CRPPA: variants seen among roughly 807,000 people sequenced by gnomAD.
CRPPA encodes CDP-L-ribitol pyrophosphorylase A, also known as D-ribitol-5-phosphate cytidylyltransferase.
A neutral mutation model predicts 52.0 loss-of-function variants in CRPPA; 43 were observed. The ratio of observed to expected loss-of-function variants is 0.83; its 90% CI spans 0.65 to 1.07. The LOEUF (loss-of-function observed/expected upper bound fraction) is 1.07, where lower values mean the gene tolerates loss of function less well. Ranked by LOEUF, CRPPA falls within the 50% of genes least tolerant of loss-of-function variation. CRPPA has a pLI of 0.00. For synonymous variants in CRPPA, 250 were observed against 203.5 expected, an observed-to-expected ratio of 1.23 and a Z score of -1.94; for missense variants, 629 against 551.7, an observed-to-expected ratio of 1.14 and a Z score of -1.40.
chr7:16,130,852 C>T (rs1345523959), intron 9 of CRPPA, among the ~76,000 whole-genome samples: 1 of 152,080 alleles, frequency 6.6e-6, no homozygotes, highest in Admixed American at 6.5e-5. Flanking sequence ...GAGGTAAGGC[C>T]TTTGGGGGGT....
chr7:16,313,387 A>G (rs553777996), intron 3 of CRPPA, among the ~76,000 whole-genome samples: 1 of 151,910 alleles, frequency 6.6e-6, no homozygotes, highest in African/African-American at 2.4e-5. Context: ...TATCCTTTTA[A>G]TGTTCATGGG....
At chr7:16,238,481 G>T (rs191270021) in intron 8 of CRPPA, among the ~76,000 whole-genome samples, 108 of 152,150 alleles carry the variant, frequency 7.1e-4, no homozygotes, top group Admixed American at 2.2e-3. Context: ...GACATGAAAG[G>T]ATAGATTCAC....
At chr7:16,113,228 T>C (rs1047894705) in intron 9 of CRPPA, among the ~76,000 whole-genome samples, 1 of 151,976 alleles carries the variant, frequency 6.6e-6, no homozygotes, top group African/African-American at 2.4e-5. Flanking sequence ...TAGATTCAGT[T>C]GCAGAGAGAA....
intron 6 of CRPPA, chr7:16,268,790 C>G (rs1367691520): frequency 6.6e-6 from 1 of 152,032 alleles, no homozygotes; most frequent in Non-Finnish European, 1.5e-5. Flanking sequence ...GGCTTATTTT[C>G]TTCACTCCAC....
chr7:16,185,662 T>C (rs1191159154), intron 9 of CRPPA, among the ~76,000 whole-genome samples: 1 of 152,196 alleles, frequency 6.6e-6, no homozygotes, highest in Non-Finnish European at 1.5e-5. Context: ...AATTGCAATA[T>C]GAGAACCACT....
intron 3 of CRPPA, among the ~76,000 whole-genome samples, chr7:16,340,933 C>T (rs959336172): frequency 6.6e-6 from 1 of 152,074 alleles, no homozygotes; most frequent in Non-Finnish European, 1.5e-5. Flanking sequence ...TAAAAAGAAA[C>T]TATCAAGCCA....
At position 16,097,867 on chromosome 7, in the gene CRPPA, T is replaced by C. The variant is rs368415828; in HGVS notation, c.1252-6068A>G. On this transcript the variant is annotated intron_variant, in intron 9 of 9. Coordinates refer to ENST00000407010, the MANE Select transcript of CRPPA (RefSeq NM_001101426.4). ...TTTGAGCAAGGAAAGGCTGAAGTAATGTAAATTACTAATATGTAGCACCTT... is the reference window on the plus strand; with the variant it reads ...TTTGAGCAAGGAAAGGCTGAAGTAACGTAAATTACTAATATGTAGCACCTT... 1.8e-3 allele frequency among the ~76,000 whole-genome samples: 272 copies of C among 152,290 alleles called. 12 individuals carry two copies. In the South Asian group the frequency reaches 0.054, roughly 30 times the overall value.
chr7:16,418,610 C>G (rs1788250661), intron 1 of CRPPA, among the ~76,000 whole-genome samples: 1 of 152,108 alleles, frequency 6.6e-6, no homozygotes, highest in Non-Finnish European at 1.5e-5. Context: ...AGAATGAACA[C>G]AGGAGGAACT....
intron 2 of CRPPA, among the ~76,000 whole-genome samples, chr7:16,395,823 C>T (rs1486901148): frequency 2.0e-5 from 3 of 152,180 alleles, no homozygotes; most frequent in Admixed American, 2.0e-4. Context: ...TGTCTTTCAC[C>T]TACCCTTTTC....
At chr7:16,412,506 T>C (rs1348703229) in intron 1 of CRPPA, among the ~76,000 whole-genome samples, 1 of 152,226 alleles carries the variant, frequency 6.6e-6, no homozygotes, top group African/African-American at 2.4e-5. Context: ...TAAAGCTATT[T>C]TGGTCAGCAA....
chr7:16,361,677 G>A (rs148799544), intron 3 of CRPPA, among the ~76,000 whole-genome samples: 4 of 152,172 alleles, frequency 2.6e-5, no homozygotes, highest in Non-Finnish European at 4.4e-5. Flanking sequence ...GGATTGCCAC[G>A]AGCTGGGAGG....
chr7:16,239,422 G>T (rs1192014396), intron 8 of CRPPA, among the ~76,000 whole-genome samples: 1 of 151,424 alleles, frequency 6.6e-6, no homozygotes, highest in Non-Finnish European at 1.5e-5. Context: ...TTAAGTTTAG[G>T]TATTAATTAC....
At chr7:16,179,349 T>C (rs1294031365) in intron 9 of CRPPA, among the ~76,000 whole-genome samples, 1 of 152,086 alleles carries the variant, frequency 6.6e-6, no homozygotes, top group Non-Finnish European at 1.5e-5. Flanking sequence ...CTAGAATCCA[T>C]GAAAATGTTG....
At chr7:16,401,839 G>C (rs1273329911) in intron 2 of CRPPA, among the ~76,000 whole-genome samples, 1 of 151,762 alleles carries the variant, frequency 6.6e-6, no homozygotes, top group African/African-American at 2.4e-5. Context: ...GGTAGACTGG[G>C]TATCTTGAAA....
intron 2 of CRPPA, among the ~76,000 whole-genome samples, chr7:16,377,984 G>C (rs1337657550): frequency 6.6e-6 from 1 of 152,076 alleles, no homozygotes; most frequent in Non-Finnish European, 1.5e-5. Flanking sequence ...TAAAAGACCA[G>C]AGTCTTCTAC....
intron 9 of CRPPA, among the ~76,000 whole-genome samples, chr7:16,161,489 T>C (rs958243042): frequency 2.0e-5 from 3 of 152,236 alleles, no homozygotes; most frequent in Admixed American, 6.5e-5. Context: ...ATTACATTTA[T>C]TGGTTTGCAT....
rs1562630954 is a variant in CRPPA at position 16,323,574 on chromosome 7, C to A, written c.685-14947G>T. On this transcript the variant is annotated intron_variant, in intron 3 of 9. Transcript: ENST00000407010. ...CTGCCAAGTCCGTTTATTGCCAAGT[C>A]CACTCCAAATCAGAGAACCTCAGCT... is the stretch of plus-strand genomic sequence containing the variant. 1.3e-5 allele frequency among the ~76,000 whole-genome samples: 2 copies of A among 152,168 alleles called. 1 individual carries two copies. The highest frequency in any genetic ancestry group is 4.1e-4 in the South Asian group (2 of 4,826).
chr7:16,106,165 T>C (rs574879349), intron 9 of CRPPA, among the ~76,000 whole-genome samples: 1 of 152,234 alleles, frequency 6.6e-6, no homozygotes, highest in South Asian at 2.1e-4. Context: ...TTTCCAAAAA[T>C]TTGGAGAACC....
At position 16,278,137 on chromosome 7, in the gene CRPPA, C is replaced by G. The variant is rs2128417715; in HGVS notation, c.925G>C (p.Glu309Gln). ...AGTCTTTGAATACTTACATTTAATT[C>G]ACTTTTCAGCACTTCTTCAAGAAGA... ...GHLLEEVLKSELNHVKVTSEA... is the reference protein window; with the variant it reads ...GHLLEEVLKSQLNHVKVTSEA... The change falls in exon 6 of 10, where the codon GAA (glutamate) becomes CAA (glutamine). Residue 309 changes from glutamate to glutamine, a missense_variant. Transcript: ENST00000407010. 6.6e-7 allele frequency: 1 copy of G among 1,515,708 alleles called. No individual in the cohort carries two copies. The highest frequency in any genetic ancestry group is 2.3e-5 in the East Asian group (1 of 44,246). 93.9% of individuals were successfully genotyped at this position (1,515,708 alleles called of 1,614,324 possible).
Sources: gnomAD v4.1 joint callset for allele counts (sites outside exome capture counted in the v4.1 genomes callset) on GRCh38, gnomAD v4.1.1 for gene constraint, MANE v1.5 for transcripts, NCBI Gene and HGNC (gene_info 2026-07-23, HGNC 2026-07-21) for gene names.